The following ARHGEF38 variants were observed in gnomAD, a reference collection of about 807,000 sequenced individuals.
The protein encoded by ARHGEF38 is Rho guanine nucleotide exchange factor 38.
Under a neutral mutation model 79.9 loss-of-function variants are expected in ARHGEF38, and 79 were observed. The observed-to-expected ratio is 0.99, with a 90% confidence interval of 0.82 to 1.19. The LOEUF (loss-of-function observed/expected upper bound fraction) is 1.19. ARHGEF38 is among the 50% of genes most tolerant of loss of function. The pLI, the probability that ARHGEF38 is intolerant of heterozygous loss-of-function variation, is 0.00. For synonymous variants in ARHGEF38, 366 were observed against 328.3 expected (o/e 1.11, Z -1.24); for missense variants, 962 against 907.2 (o/e 1.06, Z -0.78).
At chr4:105,599,104 C>T (rs1727710270) in intron 2 of ARHGEF38, among the ~76,000 whole-genome samples, 1 of 152,142 alleles carries the variant, frequency 6.6e-6, no homozygotes, top group Non-Finnish European at 1.5e-5. Flanking sequence ...GAAAGTGATA[C>T]ATCAATATTC....
chr4:105,627,047 T>C (rs187461439), intron 3 of ARHGEF38, among the ~76,000 whole-genome samples: 1 of 152,300 alleles, frequency 6.6e-6, no homozygotes, highest in African/African-American at 2.4e-5. Flanking sequence ...TTTATTTACT[T>C]TTCACATAGT....
intron 8 of ARHGEF38, among the ~76,000 whole-genome samples, chr4:105,654,901 C>T (rs1290013537): frequency 6.6e-6 from 1 of 152,148 alleles, no homozygotes; most frequent in Non-Finnish European, 1.5e-5. Context: ...AGAAGTTTTT[C>T]TCCTGGATAT....
At chr4:105,626,915 G>T (rs1196489947) in intron 3 of ARHGEF38, among the ~76,000 whole-genome samples, 1 of 151,334 alleles carries the variant, frequency 6.6e-6, no homozygotes, top group African/African-American at 2.4e-5. Flanking sequence ...TTTCTGAACA[G>T]ATCTTACTCT....
chr4:105,635,373 G>A (rs986835235), intron 4 of ARHGEF38, among the ~76,000 whole-genome samples: 2 of 151,670 alleles, frequency 1.3e-5, no homozygotes, highest in African/African-American at 2.4e-5. Context: ...TTCATAAAGC[G>A]TTATACTACA....
intron 13 of ARHGEF38, among the ~76,000 whole-genome samples, chr4:105,668,672 A>AGAT (rs1399059447): frequency 1.4e-5 from 2 of 140,234 alleles, no homozygotes; most frequent in Non-Finnish European, 1.6e-5. Flanking sequence ...GTAGATAGAT[A>AGAT]GATAGATAGA....
At chr4:105,660,182 C>T (rs1207272609) in intron 10 of ARHGEF38, among the ~76,000 whole-genome samples, 1 of 152,124 alleles carries the variant, frequency 6.6e-6, no homozygotes, top group Non-Finnish European at 1.5e-5. Flanking sequence ...AAAGCCAAAA[C>T]TGTGTAAATG....
intron 13 of ARHGEF38, among the ~76,000 whole-genome samples, chr4:105,670,448 T>C (rs1730921709): frequency 6.6e-6 from 1 of 152,180 alleles, no homozygotes; most frequent in African/African-American, 2.4e-5. Flanking sequence ...TTGGTGAATG[T>C]CTATTCAAAT....
chr4:105,553,660 C>T (rs1181724734), intron 1 of ARHGEF38, among the ~76,000 whole-genome samples: 1 of 152,126 alleles, frequency 6.6e-6, no homozygotes, highest in Non-Finnish European at 1.5e-5. Flanking sequence ...TGTTTCAGGG[C>T]CTTAATCTAT....
chr4:105,645,820 T>A (rs940900188), intron 6 of ARHGEF38, among the ~76,000 whole-genome samples: 1 of 152,242 alleles, frequency 6.6e-6, no homozygotes, highest in Non-Finnish European at 1.5e-5. Flanking sequence ...TGGATTCATC[T>A]GGTTCTGGCA....
At chr4:105,591,619 G>A (rs1332112727) in intron 2 of ARHGEF38, among the ~76,000 whole-genome samples, 1 of 152,156 alleles carries the variant, frequency 6.6e-6, no homozygotes, top group African/African-American at 2.4e-5. Flanking sequence ...TTGTTTTTTG[G>A]TCTAAGACAA....
intron 1 of ARHGEF38, among the ~76,000 whole-genome samples, chr4:105,567,949 C>G (rs1385155671): frequency 8.1e-6 from 1 of 123,226 alleles, no homozygotes; most frequent in African/African-American, 3.1e-5. Context: ...CACCCCACAA[C>G]AGTCCCCAGA....
chr4:105,619,693 A>G (rs1249159116), intron 3 of ARHGEF38, among the ~76,000 whole-genome samples: 1 of 152,160 alleles, frequency 6.6e-6, no homozygotes, highest in Non-Finnish European at 1.5e-5. Context: ...CCTCAAAGCA[A>G]GAGTACAGGA....
At position 105,561,400 on chromosome 4, in the gene ARHGEF38, T is replaced by TAGAATAGAATAGAATAGAATGGAATAG. The variant is rs59437354; in HGVS notation, c.196+8440_196+8441insGAATAGAATAGAATAGAATGGAATAGA. 9.4e-3 allele frequency among the ~76,000 whole-genome samples: 283 copies of TAGAATAGAATAGAATAGAATGGAATAG among 30,156 alleles called. 51 individuals carry two copies. The highest frequency in any genetic ancestry group is 0.027 in the East Asian group (25 of 940). 19.8% of individuals were successfully genotyped at this position (30,156 alleles called of 152,430 possible). A position where few individuals can be genotyped will look rare whatever the true frequency, so the allele number is the denominator to read the frequency against. On this transcript the variant is annotated intron_variant, in intron 1 of 13. Transcript: ENST00000420470. ...CTGGAGTCTCAAAAATAGAGTAGAA[T>TAGAATAGAATAGAATAGAATGGAATAG]AATAGAATAGAATAGAATAGAATGG...
chr4:105,668,929 C>G (rs549473963), intron 13 of ARHGEF38, among the ~76,000 whole-genome samples: 1 of 151,984 alleles, frequency 6.6e-6, no homozygotes. Context: ...ATCTGTAGTC[C>G]CAGCTACTGG....
At chr4:105,577,636 T>C (rs1726571473) in intron 1 of ARHGEF38, among the ~76,000 whole-genome samples, 1 of 152,070 alleles carries the variant, frequency 6.6e-6, no homozygotes, top group African/African-American at 2.4e-5. Flanking sequence ...GGGTTCCTAT[T>C]TCTTCCTGAC....
chr4:105,560,685 A>G (rs1382194724), intron 1 of ARHGEF38, among the ~76,000 whole-genome samples: 2 of 152,218 alleles, frequency 1.3e-5, no homozygotes, highest in South Asian at 2.1e-4. Flanking sequence ...AGATACCTGC[A>G]CTGAAGCCCT....
chr4:105,572,023 G>C (rs1209344580), intron 1 of ARHGEF38, among the ~76,000 whole-genome samples: 1 of 152,136 alleles, frequency 6.6e-6, no homozygotes, highest in Admixed American at 6.5e-5. Context: ...TCCATCATCA[G>C]TATAATGTTT....
At chr4:105,609,480 T>C (rs1355498898) in intron 2 of ARHGEF38, among the ~76,000 whole-genome samples, 4 of 152,098 alleles carry the variant, frequency 2.6e-5, no homozygotes, top group Non-Finnish European at 5.9e-5. Context: ...TGGAAAGATA[T>C]CTGGTGTTAA....
intron 7 of ARHGEF38, among the ~76,000 whole-genome samples, chr4:105,652,437 A>C (rs908301203): frequency 6.6e-6 from 1 of 151,164 alleles, no homozygotes; most frequent in African/African-American, 2.5e-5. Context: ...GGAGAGAGCA[A>C]TTAATTTTCT....
Sources: gnomAD v4.1 joint callset for allele counts (sites outside exome capture counted in the v4.1 genomes callset) on GRCh38, gnomAD v4.1.1 for gene constraint, MANE v1.5 for transcripts, NCBI Gene and HGNC (gene_info 2026-07-23, HGNC 2026-07-21) for gene names.